The following TRAPPC9 variants were observed in gnomAD, a reference collection of about 807,000 sequenced individuals.
The protein encoded by TRAPPC9 is IKK2 binding protein.
A neutral mutation model predicts 124.0 loss-of-function variants in TRAPPC9; 83 were observed. The observed-to-expected ratio is 0.67, with a 90% confidence interval of 0.56 to 0.80. TRAPPC9 has a LOEUF of 0.80. Ranked by LOEUF, TRAPPC9 falls within the 30% of genes least tolerant of loss-of-function variation. TRAPPC9 has a pLI of 0.00. For synonymous variants in TRAPPC9, 638 were observed against 617.5 expected (o/e 1.03, Z -0.49); for missense variants, 1,302 against 1,508.3 (o/e 0.86, Z 2.27).
chr8:140,378,216 A>C (rs569131419), intron 7 of TRAPPC9, among the ~76,000 whole-genome samples: 1 of 152,222 alleles, frequency 6.6e-6, no homozygotes, highest in South Asian at 2.1e-4. Context: ...GTAATGCTTA[A>C]TACTAAGCGT....
intron 21 of TRAPPC9, among the ~76,000 whole-genome samples, chr8:139,878,607 G>A (rs78686887): frequency 0.019 from 2,880 of 152,178 alleles, 90 homozygotes; most frequent in African/African-American, 0.066. Flanking sequence ...GGCAGGGCTC[G>A]GAAATAACAA....
At chr8:140,100,049 G>C (rs1361175813) in intron 17 of TRAPPC9, 5 of 148,492 alleles carry the variant, frequency 3.4e-5, no homozygotes, top group African/African-American at 1.3e-4. Context: ...TGCGGAACGA[G>C]TGCCGCAATC....
At chr8:140,223,834 T>G (rs1385706044) in intron 16 of TRAPPC9, among the ~76,000 whole-genome samples, 1 of 152,164 alleles carries the variant, frequency 6.6e-6, no homozygotes, top group Non-Finnish European at 1.5e-5. Context: ...CAAACAATAT[T>G]CAACTGGGTA....
rs186637391 is a variant in TRAPPC9 at position 139,874,225 on chromosome 8, C to T, written c.3055+11654G>A. 3.6e-3 allele frequency among the ~76,000 whole-genome samples: 555 copies of T among 152,384 alleles called. 3 individuals carry two copies. Among genetic ancestry groups the T allele is most frequent in the Non-Finnish European group, 5.3e-3 (360 of 68,040 alleles). On this transcript the variant is annotated intron_variant, in intron 21 of 22. Transcript: ENST00000438773. ...GGGACTGTCTCAGTGCATCTGGGCA[C>T]ATCAACATGGAACTATTTAAATCAT...
intron 17 of TRAPPC9, among the ~76,000 whole-genome samples, chr8:140,150,202 C>T (rs1053582970): frequency 6.6e-6 from 1 of 152,198 alleles, no homozygotes; most frequent in East Asian, 1.9e-4. Flanking sequence ...AATCCCACCA[C>T]TTTGGGAGGC....
chr8:139,835,023 T>G (rs1409975437), intron 21 of TRAPPC9, among the ~76,000 whole-genome samples: 1 of 151,992 alleles, frequency 6.6e-6, no homozygotes, highest in Non-Finnish European at 1.5e-5. Context: ...ATGCCAAAGG[T>G]GAAGATTTCA....
chr8:140,373,419 T>C (rs1268084436), intron 7 of TRAPPC9, among the ~76,000 whole-genome samples: 1 of 152,184 alleles, frequency 6.6e-6, no homozygotes, highest in Non-Finnish European at 1.5e-5. Flanking sequence ...GGACACTCGG[T>C]TCCAATGCCA....
At chr8:139,979,579 C>G (rs1836741237) in intron 19 of TRAPPC9, among the ~76,000 whole-genome samples, 2 of 152,042 alleles carry the variant, frequency 1.3e-5, no homozygotes, top group Admixed American at 1.3e-4. Context: ...GAGGAGGGGA[C>G]AGGCACCCCT....
intron 17 of TRAPPC9, among the ~76,000 whole-genome samples, chr8:140,178,116 C>A (rs2062112966): frequency 6.6e-6 from 1 of 152,060 alleles, no homozygotes; most frequent in Non-Finnish European, 1.5e-5. Context: ...CCAATCTGGG[C>A]ACATTTTTTG....
chr8:140,400,235 T>C (rs556066593), intron 6 of TRAPPC9, among the ~76,000 whole-genome samples: 2 of 152,356 alleles, frequency 1.3e-5, no homozygotes, highest in African/African-American at 4.8e-5. Flanking sequence ...CCAGAGAATT[T>C]GTTTGTGAGA....
intron 9 of TRAPPC9, among the ~76,000 whole-genome samples, chr8:140,351,401 T>C (rs1411576493): frequency 1.3e-5 from 2 of 151,544 alleles, no homozygotes; most frequent in African/African-American, 4.8e-5. Context: ...CCCTAAACAA[T>C]GCAGTAGAAT....
At position 140,321,762 on chromosome 8, in the gene TRAPPC9, G is replaced by A. The variant is rs575950793; in HGVS notation, c.1496-10388C>T. Reference sequence around the variant, plus strand: ...ACGCCTCCTGCAGGCTTTTGCAGAGGGCAACGTGCAGTACACTGAGGCTGA... The same window carrying A: ...ACGCCTCCTGCAGGCTTTTGCAGAGAGCAACGTGCAGTACACTGAGGCTGA... On this transcript the variant is annotated intron_variant, in intron 9 of 22. Transcript: ENST00000438773. Among the ~76,000 whole-genome samples the A allele has an allele frequency of 6.6e-5, 10 of 152,324 alleles. No individual in the cohort carries two copies. The East Asian group carries it at 1.9e-3, about 29-fold the overall frequency.
chr8:139,921,704 C>T (rs1043070018), intron 19 of TRAPPC9, among the ~76,000 whole-genome samples: 26 of 146,578 alleles, frequency 1.8e-4, no homozygotes, highest in African/African-American at 6.6e-4. Flanking sequence ...AGCCAGGGAC[C>T]CTGGATGATC....
chr8:140,457,799 C>T (rs2071743886), upstream of TRAPPC9: 2 of 1,029,502 alleles, frequency 1.9e-6, no homozygotes, highest in Non-Finnish European at 2.3e-6. Flanking sequence ...CCTGGGCCCC[C>T]GATCCGTCCC....
At chr8:139,923,590 C>T (rs1389854195) in intron 19 of TRAPPC9, among the ~76,000 whole-genome samples, 3 of 150,906 alleles carry the variant, frequency 2.0e-5, no homozygotes, top group Non-Finnish European at 4.5e-5. Context: ...CCTTCTCTCC[C>T]TGTGCTTCTA....
At chr8:140,061,100 T>C (rs1004163525) in intron 17 of TRAPPC9, among the ~76,000 whole-genome samples, 2 of 152,222 alleles carry the variant, frequency 1.3e-5, no homozygotes, top group African/African-American at 4.8e-5. Context: ...CGTCAGATCA[T>C]TCAAATCTAA....
chr8:139,759,790 A>C (rs1820100436), intron 21 of TRAPPC9, among the ~76,000 whole-genome samples: 1 of 152,252 alleles, frequency 6.6e-6, no homozygotes, highest in East Asian at 1.9e-4. Flanking sequence ...GCCCTCCCCC[A>C]GTCAGTCCTG....
chr8:140,083,609 A>C (rs1401224999), intron 17 of TRAPPC9, among the ~76,000 whole-genome samples: 2 of 152,046 alleles, frequency 1.3e-5, no homozygotes, highest in African/African-American at 4.8e-5. Flanking sequence ...TATTTGTGTA[A>C]ACTGGAGAAA....
intron 18 of TRAPPC9, among the ~76,000 whole-genome samples, chr8:140,020,770 G>A (rs1839790359): frequency 6.6e-6 from 1 of 152,156 alleles, no homozygotes; most frequent in South Asian, 2.1e-4. Flanking sequence ...CAACTACCAT[G>A]GTGGGGTTAT....
Sources: gnomAD v4.1 joint callset for allele counts (sites outside exome capture counted in the v4.1 genomes callset) on GRCh38, gnomAD v4.1.1 for gene constraint, MANE v1.5 for transcripts, NCBI Gene and HGNC (gene_info 2026-07-23, HGNC 2026-07-21) for gene names.